Variants in TENM2 observed in about 807,000 individuals in gnomAD.
TENM2 encodes teneurin transmembrane protein 2, also known as teneurin-2.
In TENM2, 52 loss-of-function variants were observed where a neutral mutation model predicts 245.2. The ratio of observed to expected loss-of-function variants is 0.21; its 90% CI spans 0.17 to 0.27. The LOEUF is 0.27. TENM2 is among the 10% of genes least tolerant of loss of function. TENM2 has a pLI of 1.00. For synonymous variants in TENM2, 1,363 were observed against 1,438.9 expected (o/e 0.95, Z 1.19); for missense variants, 3,046 against 3,666.8 (o/e 0.83, Z 4.37).
At chr5:167,562,557 G>A (rs1397166447) in intron 2 of TENM2, among the ~76,000 whole-genome samples, 1 of 152,160 alleles carries the variant, frequency 6.6e-6, no homozygotes, top group African/African-American at 2.4e-5. Flanking sequence ...AGGCCACGCT[G>A]CCAGCCTAGA....
intron 2 of TENM2, among the ~76,000 whole-genome samples, chr5:167,570,576 A>C (rs2127659129): frequency 6.6e-6 from 1 of 152,162 alleles, no homozygotes; most frequent in African/African-American, 2.4e-5. Flanking sequence ...TCAGATTCCA[A>C]GTGCATTCTT....
At chr5:168,167,499 G>A (rs1581515717) in intron 13 of TENM2, among the ~76,000 whole-genome samples, 1 of 152,144 alleles carries the variant, frequency 6.6e-6, no homozygotes. Context: ...TGTGGGCAGC[G>A]GTGACAGTGG....
At chr5:168,013,032 G>A (rs569354021) in intron 5 of TENM2, among the ~76,000 whole-genome samples, 2 of 152,282 alleles carry the variant, frequency 1.3e-5, no homozygotes, top group East Asian at 3.9e-4. Context: ...AAAGGAGGGA[G>A]ATAGAAGTGG....
chr5:167,490,708 T>C (rs1031363124), intron 2 of TENM2, among the ~76,000 whole-genome samples: 3 of 152,144 alleles, frequency 2.0e-5, no homozygotes, highest in African/African-American at 7.2e-5. Flanking sequence ...TTAACATTGA[T>C]ATAGAAAACA....
At chr5:167,816,902 T>C (rs1010588876) in intron 2 of TENM2, among the ~76,000 whole-genome samples, 1 of 152,084 alleles carries the variant, frequency 6.6e-6, no homozygotes, top group Non-Finnish European at 1.5e-5. Flanking sequence ...TGGAAGTACA[T>C]ACTAAATAAG....
intron 2 of TENM2, among the ~76,000 whole-genome samples, chr5:167,407,753 G>A (rs904391756): frequency 6.6e-6 from 1 of 152,098 alleles, no homozygotes; most frequent in African/African-American, 2.4e-5. Context: ...GGAGGTGGAG[G>A]TTGCAGTGAG....
intron 1 of TENM2, chr5:167,296,595 C>A (rs1754962265): frequency 1.3e-5 from 2 of 152,172 alleles, no homozygotes; most frequent in Non-Finnish European, 2.9e-5. Context: ...ATCCAGTCAA[C>A]TGCAGGATAA....
chr5:167,816,749 CTG>C (rs1767088841), intron 2 of TENM2, among the ~76,000 whole-genome samples: 1 of 152,094 alleles, frequency 6.6e-6, no homozygotes, highest in African/African-American at 2.4e-5. Flanking sequence ...AAAGAAAGAC[CTG>C]TGTTTTATAA....
At chr5:167,180,103 C>CTTTTTTTTTTTTTTTTTTTTTTTTTTT in the TENM2 span, among the ~76,000 whole-genome samples, 1 of 114,978 alleles carries the variant, frequency 8.7e-6, no homozygotes, top group African/African-American at 4.2e-5. Flanking sequence ...TAAGTGCTTC[C>CTTTTTTTTTTTTTTTTTTTTTTTTTTT]TTTTTTTTTT....
At chr5:168,091,971 A>C (rs1792982023) in intron 8 of TENM2, among the ~76,000 whole-genome samples, 1 of 152,236 alleles carries the variant, frequency 6.6e-6, no homozygotes, top group Non-Finnish European at 1.5e-5. Flanking sequence ...ATCATGACAA[A>C]TAAAACGTGT....
chr5:167,481,287 G>A (rs1216399611), intron 2 of TENM2, among the ~76,000 whole-genome samples: 1 of 152,166 alleles, frequency 6.6e-6, no homozygotes, highest in Non-Finnish European at 1.5e-5. Context: ...TTCCTGTACA[G>A]TCCATGAGCT....
chr5:167,421,517 C>G (rs1053061557), intron 2 of TENM2, among the ~76,000 whole-genome samples: 6 of 152,094 alleles, frequency 3.9e-5, no homozygotes, highest in East Asian at 3.9e-4. Context: ...CTTTGAACTT[C>G]TAGTGAGAGC....
At chr5:167,427,484 G>A (rs1470806431) in intron 2 of TENM2, among the ~76,000 whole-genome samples, 8 of 146,810 alleles carry the variant, frequency 5.4e-5, no homozygotes, top group Non-Finnish European at 1.2e-4. Context: ...GGAAGGAAGG[G>A]AAGCAAGGGG....
chr5:167,798,066 A>G lies in TENM2; in HGVS notation c.503-77920A>G, dbSNP rs1205914145. Among the ~76,000 whole-genome samples the G allele has an allele frequency of 3.9e-5, 6 of 152,222 alleles. No homozygotes were observed. In the East Asian group the frequency reaches 7.7e-4, roughly 20 times the overall value. On this transcript the variant is annotated intron_variant, in intron 2 of 28. Transcript: ENST00000518659. ...AAAGTGCATTTCATAATCTTTTTCA[A>G]TGACTCATCCTGATAGTCCTCTTTA... is the stretch of plus-strand genomic sequence containing the variant.
the TENM2 span, among the ~76,000 whole-genome samples, chr5:167,098,975 G>A: frequency 6.6e-6 from 1 of 152,144 alleles, no homozygotes; most frequent in Admixed American, 6.5e-5. Flanking sequence ...AATCTGTATT[G>A]TAACAAGTAC....
At chr5:167,978,843 C>A (rs1295983113) in intron 4 of TENM2, among the ~76,000 whole-genome samples, 2 of 152,012 alleles carry the variant, frequency 1.3e-5, no homozygotes, top group East Asian at 1.9e-4. Context: ...GAGAAAATAG[C>A]CGGAGGATCA....
the TENM2 span, among the ~76,000 whole-genome samples, chr5:167,061,689 A>T: frequency 6.6e-6 from 1 of 152,170 alleles, no homozygotes; most frequent in Admixed American, 6.6e-5. Flanking sequence ...TCATTCAATC[A>T]GTCTTCTAGA....
chr5:167,455,211 G>T (rs550479659), intron 2 of TENM2, among the ~76,000 whole-genome samples: 1 of 152,238 alleles, frequency 6.6e-6, no homozygotes, highest in African/African-American at 2.4e-5. Flanking sequence ...CTTATATGGA[G>T]TTTCTTGTTC....
At chr5:167,890,409 A>G (rs571973941) in intron 3 of TENM2, among the ~76,000 whole-genome samples, 73 of 150,142 alleles carry the variant, frequency 4.9e-4, no homozygotes, top group Non-Finnish European at 1.0e-3. Context: ...TTTGTGTAAT[A>G]TTTTCTATTT....
Sources: allele counts gnomAD v4.1 joint callset (sites outside exome capture counted in the v4.1 genomes callset), GRCh38; gene constraint gnomAD v4.1.1; transcripts MANE v1.5; gene names NCBI Gene and HGNC (gene_info 2026-07-23, HGNC 2026-07-21).